NRXN3: variants seen among roughly 807,000 people sequenced by gnomAD.
NRXN3 encodes neurexin 3.
NRXN3 carries 32 observed loss-of-function variants against 137.6 expected under a neutral mutation model. The ratio of observed to expected loss-of-function variants is 0.23; its 90% CI spans 0.18 to 0.31. NRXN3 has a LOEUF of 0.31. NRXN3 is among the 10% of genes least tolerant of loss of function. NRXN3 has a pLI of 1.00. For missense variants in NRXN3, 1,574 were observed against 2,062.5 expected (o/e 0.76, Z 4.59); for synonymous variants, 798 against 784.5 (o/e 1.02, Z -0.29).
chr14:78,353,871 C>G (rs10135475), intron 4 of NRXN3, among the ~76,000 whole-genome samples: 151,777 of 152,334 alleles, frequency 1, 75,616 homozygotes, highest in Middle Eastern at 1. Context: ...AAGGCAGTCA[C>G]AGTGCACTGG....
At chr14:78,674,675 C>G (rs1301429568) in intron 6 of NRXN3, among the ~76,000 whole-genome samples, 1 of 152,094 alleles carries the variant, frequency 6.6e-6, no homozygotes, top group Non-Finnish European at 1.5e-5. Context: ...GTAAAAACAT[C>G]CCAGTATTTA....
chr14:79,720,558 C>T (rs1277209253), intron 19 of NRXN3, among the ~76,000 whole-genome samples: 1 of 152,044 alleles, frequency 6.6e-6, no homozygotes, highest in Admixed American at 6.6e-5. Context: ...AAACCTTTCT[C>T]GATGTTCTGG....
chr14:78,579,293 G>A (rs1310166004), intron 4 of NRXN3, among the ~76,000 whole-genome samples: 1 of 152,156 alleles, frequency 6.6e-6, no homozygotes, highest in East Asian at 1.9e-4. Context: ...CTCAGTTAGA[G>A]CCAGTTTAAA....
intron 15 of NRXN3, among the ~76,000 whole-genome samples, chr14:79,183,111 T>C (rs752579134): frequency 1.3e-5 from 2 of 152,240 alleles, no homozygotes; most frequent in African/African-American, 2.4e-5. Context: ...ATTATTTTGC[T>C]CTTGATCTAC....
At chr14:78,879,348 C>G (rs887095275) in intron 10 of NRXN3, among the ~76,000 whole-genome samples, 2 of 152,158 alleles carry the variant, frequency 1.3e-5, no homozygotes, top group Admixed American at 1.3e-4. Flanking sequence ...TCCCTTTTCT[C>G]TACATCCTTG....
At chr14:78,967,871 A>T (rs1179306919) in intron 13 of NRXN3, among the ~76,000 whole-genome samples, 2 of 152,310 alleles carry the variant, frequency 1.3e-5, no homozygotes, top group South Asian at 2.1e-4. Context: ...ATTATTGGTA[A>T]CAAGCACATA....
intron 15 of NRXN3, among the ~76,000 whole-genome samples, chr14:79,365,725 C>CAAAAAAAAAAAAAAAAAAAAAAAA (rs569855024): frequency 9.4e-5 from 4 of 42,398 alleles, no homozygotes; most frequent in African/African-American, 9.7e-5. Flanking sequence ...GACTCTGTCT[C>CAAAAAAAAAAAAAAAAAAAAAAAA]AAAAAAAAAA....
intron 15 of NRXN3, among the ~76,000 whole-genome samples, chr14:79,251,103 A>T (rs1597827195): frequency 6.6e-6 from 1 of 152,322 alleles, no homozygotes; most frequent in East Asian, 1.9e-4. Flanking sequence ...TTTGAATACT[A>T]TTATGCAGAG....
intron 4 of NRXN3, among the ~76,000 whole-genome samples, chr14:78,314,283 G>T (rs1326324915): frequency 6.6e-6 from 1 of 152,200 alleles, no homozygotes; most frequent in Non-Finnish European, 1.5e-5. Flanking sequence ...ATACAGGGAA[G>T]TAGCAATGTA....
intron 8 of NRXN3, among the ~76,000 whole-genome samples, chr14:78,802,299 C>A (rs2098841570): frequency 1.3e-5 from 2 of 152,034 alleles, no homozygotes; most frequent in African/African-American, 4.8e-5. Context: ...TCCCAAACAC[C>A]ACATGTTCTC....
intron 16 of NRXN3, among the ~76,000 whole-genome samples, chr14:79,493,043 T>C (rs1027700333): frequency 2.0e-5 from 3 of 152,204 alleles, no homozygotes; most frequent in African/African-American, 7.2e-5. Flanking sequence ...CAATGTGATA[T>C]TGAACTGGAT....
intron 15 of NRXN3, among the ~76,000 whole-genome samples, chr14:79,265,954 G>T (rs748964271): frequency 4.6e-5 from 7 of 152,132 alleles, no homozygotes; most frequent in Non-Finnish European, 1.0e-4. Flanking sequence ...TGGGTGGTTG[G>T]CCAAGCAAGG....
intron 19 of NRXN3, among the ~76,000 whole-genome samples, chr14:79,710,634 G>C (rs1555651588): frequency 6.6e-6 from 1 of 152,220 alleles, no homozygotes; most frequent in Non-Finnish European, 1.5e-5. Context: ...ATGAGGGCAT[G>C]AGATATATAA....
intron 6 of NRXN3, among the ~76,000 whole-genome samples, chr14:78,696,666 C>T (rs2098229234): frequency 6.6e-6 from 1 of 151,982 alleles, no homozygotes; most frequent in African/African-American, 2.4e-5. Context: ...GCCATCTATT[C>T]CAGGTCACCT....
At chr14:79,265,228 GCT>G (rs2078270251) in intron 15 of NRXN3, among the ~76,000 whole-genome samples, 3 of 120,072 alleles carry the variant, frequency 2.5e-5, no homozygotes, top group Admixed American at 8.1e-5. Context: ...AATGGGGGTT[GCT>G]CTTTTTTTTT....
chr14:79,018,436 T>C (rs1034532397), intron 15 of NRXN3, among the ~76,000 whole-genome samples: 34 of 152,110 alleles, frequency 2.2e-4, no homozygotes, highest in African/African-American at 8.0e-4. Context: ...CTGCCACTTC[T>C]ACATGCATTG....
intron 1 of NRXN3, among the ~76,000 whole-genome samples, chr14:78,191,932 G>T (rs949147949): frequency 6.6e-6 from 1 of 152,086 alleles, no homozygotes; most frequent in South Asian, 2.1e-4. Context: ...AGGGTGGTCT[G>T]TTGCACTCAT....
At chr14:79,604,045 G>A (rs977288811) in intron 16 of NRXN3, among the ~76,000 whole-genome samples, 4 of 151,698 alleles carry the variant, frequency 2.6e-5, no homozygotes, top group African/African-American at 7.3e-5. Flanking sequence ...CCACCACCAC[G>A]CCCAGATAAA....
chr14:79,287,732 C>T (rs2082514939), intron 15 of NRXN3, among the ~76,000 whole-genome samples: 1 of 152,102 alleles, frequency 6.6e-6, no homozygotes, highest in Non-Finnish European at 1.5e-5. Context: ...AGATTTTGCC[C>T]CAGTTTTCTC....
Sources: allele counts gnomAD v4.1 joint callset (sites outside exome capture counted in the v4.1 genomes callset), GRCh38; gene constraint gnomAD v4.1.1; transcripts MANE v1.5; gene names NCBI Gene and HGNC (gene_info 2026-07-23, HGNC 2026-07-21).